The following ZDHHC11B variants were observed in gnomAD, a reference collection of about 807,000 sequenced individuals.
The protein encoded by ZDHHC11B is zDHHC palmitoyltransferase 11B (putative).
ZDHHC11B carries 17 observed loss-of-function variants against 42.3 expected under a neutral mutation model. That is an observed-to-expected ratio of 0.40 (90% CI 0.27 to 0.60). The LOEUF (loss-of-function observed/expected upper bound fraction) is 0.60, where lower values mean the gene tolerates loss of function less well. Among genes scored for constraint, ZDHHC11B ranks in the 20% least tolerant of loss-of-function variants. The pLI is 0.41. For missense variants in ZDHHC11B, 262 were observed against 463.2 expected, an observed-to-expected ratio of 0.57 and a Z score of 3.99; for synonymous variants, 123 against 193.5, an observed-to-expected ratio of 0.64 and a Z score of 3.02.
chr5:772,698 G>A (rs1200970370), intron 1 of ZDHHC11B, among the ~76,000 whole-genome samples: 1 of 151,832 alleles, frequency 6.6e-6, no homozygotes, highest in Non-Finnish European at 1.5e-5. Flanking sequence ...GTTCTGGAGG[G>A]AAAAGTGGAA....
chr5:722,414 G>A (rs111898762), intron 12 of ZDHHC11B, among the ~76,000 whole-genome samples: 2,445 of 151,014 alleles, frequency 0.016, 17 homozygotes, highest in African/African-American at 0.057. Context: ...AGTGCTTCAT[G>A]GAAGAGAAAA....
chr5:720,451 A>T (rs866265785), intron 12 of ZDHHC11B, among the ~76,000 whole-genome samples: 4 of 151,846 alleles, frequency 2.6e-5, no homozygotes, highest in Non-Finnish European at 5.9e-5. Context: ...GAATAAAGCA[A>T]TAACTAAGAC....
At chr5:732,476 T>C (rs1473238507) in intron 11 of ZDHHC11B, 3 of 320,978 alleles carry the variant, frequency 9.3e-6, no homozygotes, top group South Asian at 2.6e-5. Context: ...GGTGGCTGAG[T>C]CTGGGCGGGG....
intron 1 of ZDHHC11B, among the ~76,000 whole-genome samples, chr5:784,434 C>G (rs1181380021): frequency 1.3e-5 from 2 of 152,202 alleles, no homozygotes; most frequent in Admixed American, 6.5e-5. Flanking sequence ...GACCCCCGCT[C>G]GCGGCCTTTG....
chr5:762,706 A>G (rs1734779528), intron 4 of ZDHHC11B, among the ~76,000 whole-genome samples: 2 of 151,870 alleles, frequency 1.3e-5, no homozygotes, highest in African/African-American at 4.8e-5. Context: ...ATTAAAAAGT[A>G]AGAAAGGTCT....
chr5:751,792 G>A lies in ZDHHC11B; in HGVS notation c.504-535C>T, dbSNP rs145008706. On this transcript the variant is annotated intron_variant, in intron 6 of 13. Transcript: ENST00000508859. ...TCTCGCTGGAGAGGGGTGGCCGTGG[G>A]ACATTCCCACCAGCACACCGCCTGA... 2.4e-5 allele frequency among the ~76,000 whole-genome samples: 3 copies of A among 124,352 alleles called. 1 individual carries two copies. The highest frequency in any genetic ancestry group is 3.6e-5 in the Non-Finnish European group (2 of 55,756). 81.6% of individuals were successfully genotyped at this position (124,352 alleles called of 152,430 possible).
chr5:774,693 G>A (rs1208268077), intron 1 of ZDHHC11B, among the ~76,000 whole-genome samples: 1 of 149,338 alleles, frequency 6.7e-6, no homozygotes, highest in African/African-American at 2.5e-5. Context: ...ACTAGGACCT[G>A]GGGTCTGTCA....
At chr5:747,825 A>G in intron 8 of ZDHHC11B, 1 of 181,596 alleles carries the variant, frequency 5.5e-6, no homozygotes, top group South Asian at 1.5e-4. Flanking sequence ...GGCTGGTGCC[A>G]GGAGCAGGGA....
chr5:729,355 A>C (rs1259720847), intron 12 of ZDHHC11B, among the ~76,000 whole-genome samples: 1 of 151,154 alleles, frequency 6.6e-6, no homozygotes, highest in Non-Finnish European at 1.5e-5. Flanking sequence ...GTCCTAGGCC[A>C]GGACGGCTGC....
At chr5:746,160 G>A (rs1349281289) in intron 8 of ZDHHC11B, among the ~76,000 whole-genome samples, 1 of 147,858 alleles carries the variant, frequency 6.8e-6, no homozygotes, top group Non-Finnish European at 1.5e-5. Context: ...TCCATGGAGG[G>A]GCCAAACTCT....
intron 4 of ZDHHC11B, among the ~76,000 whole-genome samples, chr5:756,386 A>G (rs142682085): frequency 2.0e-5 from 3 of 151,260 alleles, no homozygotes; most frequent in East Asian, 3.9e-4. Flanking sequence ...AGCCCCGTCC[A>G]CTCGGCCCTG....
At position 711,215 on chromosome 5, in the gene ZDHHC11B, C is replaced by G. The variant is rs1369063151; in HGVS notation, c.*1075G>C. The G allele has an allele frequency of 6.5e-6, 1 of 155,008 alleles. No homozygotes were observed. Among genetic ancestry groups the G allele is most frequent in the Non-Finnish European group, 1.4e-5 (1 of 69,524 alleles). The allele number at this position is 155,008 out of a possible 1,614,324, so 9.6% of individuals were successfully genotyped here. A position where few individuals can be genotyped will look rare whatever the true frequency, so the allele number is the denominator to read the frequency against. On this transcript the variant is annotated 3_prime_UTR_variant, in exon 14 of 14. Coordinates refer to ENST00000508859, the MANE Select transcript of ZDHHC11B (RefSeq NM_001351303.2). ...TCCCAGTGCTGTGCCCTCCCCTTTCCCAGTACTGTGCTCCCATTTCCCAAT... is the reference window on the plus strand; with the variant it reads ...TCCCAGTGCTGTGCCCTCCCCTTTCGCAGTACTGTGCTCCCATTTCCCAAT...
At chr5:719,267 T>C (rs1412200412) in intron 12 of ZDHHC11B, among the ~76,000 whole-genome samples, 3 of 151,514 alleles carry the variant, frequency 2.0e-5, no homozygotes, top group African/African-American at 7.3e-5. Flanking sequence ...AAAAAGAACA[T>C]ATAAAGAAAT....
chr5:765,633 G>A (rs1735188588), intron 4 of ZDHHC11B, among the ~76,000 whole-genome samples: 1 of 151,830 alleles, frequency 6.6e-6, no homozygotes, highest in African/African-American at 2.4e-5. Context: ...TGGAAGTTTT[G>A]TTCTTTTGCT....
intron 12 of ZDHHC11B, among the ~76,000 whole-genome samples, chr5:728,496 A>T (rs1742759994): frequency 6.6e-6 from 1 of 151,910 alleles, no homozygotes; most frequent in Admixed American, 6.6e-5. Flanking sequence ...TGGTTGACTA[A>T]GCCACGGTAT....
chr5:770,317 C>G (rs1174316513), intron 1 of ZDHHC11B, among the ~76,000 whole-genome samples: 2 of 149,986 alleles, frequency 1.3e-5, no homozygotes, highest in African/African-American at 2.4e-5. Flanking sequence ...CAGCCCCGGG[C>G]AGAGTGGAGC....
At chr5:720,206 C>G (rs2126963953) in intron 12 of ZDHHC11B, among the ~76,000 whole-genome samples, 1 of 151,906 alleles carries the variant, frequency 6.6e-6, no homozygotes, top group East Asian at 1.9e-4. Flanking sequence ...GCCAAAAGAT[C>G]TACGCTAAGA....
chr5:737,914 C>T (rs1354849556), intron 10 of ZDHHC11B, among the ~76,000 whole-genome samples: 1 of 133,664 alleles, frequency 7.5e-6, no homozygotes, highest in Non-Finnish European at 1.6e-5. Context: ...CCCACTTTCA[C>T]CACTTCCTTT....
chr5:746,098 G>A lies in ZDHHC11B; in HGVS notation c.785-800C>T, dbSNP rs553767559. ...ATACACCCGTTTATCTAAAAGAGCC[G>A]TCTTAACAAACGTTAATAAAATGGG... On this transcript the variant is annotated intron_variant, in intron 8 of 13. Coordinates refer to ENST00000508859, the MANE Select transcript of ZDHHC11B (RefSeq NM_001351303.2). Among the ~76,000 whole-genome samples, 114 of 149,222 alleles carry A rather than the reference G, an allele frequency of 7.6e-4. 4 individuals carry two copies. The highest frequency in any genetic ancestry group is 2.5e-3 in the African/African-American group (104 of 40,812).
Sources: allele counts gnomAD v4.1 joint callset (sites outside exome capture counted in the v4.1 genomes callset), GRCh38; gene constraint gnomAD v4.1.1; transcripts MANE v1.5; gene names NCBI Gene and HGNC (gene_info 2026-07-23, HGNC 2026-07-21).